The following GPHN variants were observed in gnomAD, a reference collection of about 807,000 sequenced individuals.
GPHN encodes the protein gephyrin.
Under a neutral mutation model 95.5 loss-of-function variants are expected in GPHN, and 17 were observed. The observed-to-expected ratio is 0.18, with a 90% CI of 0.12 to 0.27. The LOEUF (loss-of-function observed/expected upper bound fraction) is 0.27, where lower values mean the gene tolerates loss of function less well. GPHN is among the 10% of genes least tolerant of loss of function. The probability of loss-of-function intolerance (pLI) is 1.00; values close to 1 mark genes in which losing one functional copy is unlikely to be tolerated. For missense variants in GPHN, 660 were observed against 978.1 expected (o/e 0.67, Z 4.34); for synonymous variants, 320 against 322.5 (o/e 0.99, Z 0.08).
intron 1 of GPHN, among the ~76,000 whole-genome samples, chr14:66,668,630 T>G (rs112962298): frequency 5.1e-4 from 77 of 152,228 alleles, no homozygotes; most frequent in African/African-American, 1.6e-3. Context: ...AGGGCCTACT[T>G]GAGGGTAGAA....
the GPHN span, among the ~76,000 whole-genome samples, chr14:67,491,430 G>C: frequency 6.6e-6 from 1 of 152,138 alleles, no homozygotes. Flanking sequence ...TCCATCCTGA[G>C]GCTGTCTAGC....
chr14:67,430,392 A>G, the GPHN span, among the ~76,000 whole-genome samples: 1 of 152,202 alleles, frequency 6.6e-6, no homozygotes, highest in African/African-American at 2.4e-5. Flanking sequence ...TTCCTGTGCA[A>G]GCCTGTGCCG....
At chr14:66,886,078 T>G (rs114937024) in intron 5 of GPHN, among the ~76,000 whole-genome samples, 2,420 of 152,254 alleles carry the variant, frequency 0.016, 34 homozygotes, top group Non-Finnish European at 0.018. Context: ...ACTAAAGGAA[T>G]ATATTGATAA....
At chr14:66,707,648 C>T (rs968427158) in intron 2 of GPHN, among the ~76,000 whole-genome samples, 5 of 152,184 alleles carry the variant, frequency 3.3e-5, no homozygotes, top group African/African-American at 9.7e-5. Flanking sequence ...GAGAACAACA[C>T]ACACCAGGGC....
the GPHN span, chr14:67,364,968 G>T: frequency 1.2e-6 from 2 of 1,613,840 alleles, no homozygotes; most frequent in Non-Finnish European, 1.7e-6. Context: ...GAATTGGCAG[G>T]AATGAGTGTG....
chr14:66,670,328 A>C (rs2066233838), intron 1 of GPHN, among the ~76,000 whole-genome samples: 1 of 152,214 alleles, frequency 6.6e-6, no homozygotes, highest in African/African-American at 2.4e-5. Context: ...CTTGAGTTTT[A>C]ATATGCTTTC....
the GPHN span, among the ~76,000 whole-genome samples, chr14:67,344,167 T>G: frequency 1.6e-4 from 24 of 152,248 alleles, no homozygotes; most frequent in Non-Finnish European, 3.5e-4. Flanking sequence ...ATTTGTAATC[T>G]GTAGCCAATG....
chr14:67,624,063 ACTC>A, the GPHN span, among the ~76,000 whole-genome samples: 61 of 152,144 alleles, frequency 4.0e-4, no homozygotes, highest in Non-Finnish European at 7.9e-4. Flanking sequence ...CTGGTCCCGA[ACTC>A]CTGGGCTTAA....
intron 8 of GPHN, among the ~76,000 whole-genome samples, chr14:66,961,995 G>A (rs2068982159): frequency 7.4e-6 from 1 of 135,524 alleles, no homozygotes; most frequent in South Asian, 2.3e-4. Flanking sequence ...TAACACCCAT[G>A]GGTTCACAGT....
the GPHN span, among the ~76,000 whole-genome samples, chr14:67,612,523 T>C: frequency 3.3e-5 from 5 of 152,216 alleles, no homozygotes; most frequent in African/African-American, 1.2e-4. Context: ...GACGAAGGGT[T>C]CTGAAGCTCC....
At chr14:67,303,179 A>G in the GPHN span, among the ~76,000 whole-genome samples, 5 of 152,250 alleles carry the variant, frequency 3.3e-5, no homozygotes, top group African/African-American at 1.2e-4. Flanking sequence ...TCTATTGGAT[A>G]GTGCTAGTAT....
chr14:67,322,929 G>A, the GPHN span, among the ~76,000 whole-genome samples: 23,542 of 151,946 alleles, frequency 0.15, 3,442 homozygotes, highest in East Asian at 0.42. Context: ...ACTTTTTCTT[G>A]GATGTGCTTT....
chr14:67,475,238 G>A, the GPHN span, among the ~76,000 whole-genome samples: 333 of 152,154 alleles, frequency 2.2e-3, 2 homozygotes, highest in Admixed American at 4.1e-3. Context: ...TTTTAAAGGC[G>A]GAATCATATT....
the GPHN span, among the ~76,000 whole-genome samples, chr14:67,391,169 G>A: frequency 6.6e-6 from 1 of 152,110 alleles, no homozygotes; most frequent in Non-Finnish European, 1.5e-5. Context: ...CAGTCTACAC[G>A]TGTGCCCACA....
chr14:67,621,783 T>C, the GPHN span, among the ~76,000 whole-genome samples: 2 of 151,472 alleles, frequency 1.3e-5, no homozygotes, highest in Non-Finnish European at 2.9e-5. Context: ...ACCCTTCTCT[T>C]AGTAACAGCA....
At chr14:66,852,351 G>A (rs563791588) in intron 4 of GPHN, among the ~76,000 whole-genome samples, 7 of 152,268 alleles carry the variant, frequency 4.6e-5, no homozygotes, top group Admixed American at 1.3e-4. Flanking sequence ...CCACTATTAC[G>A]GTAGCTTTCA....
At chr14:67,242,330 G>A in the GPHN span, among the ~76,000 whole-genome samples, 1 of 152,178 alleles carries the variant, frequency 6.6e-6, no homozygotes, top group East Asian at 1.9e-4. Context: ...TGGAGTGTGT[G>A]TTTTGTCTCC....
At chr14:66,606,707 C>A (rs993409535) in intron 1 of GPHN, among the ~76,000 whole-genome samples, 1 of 151,956 alleles carries the variant, frequency 6.6e-6, no homozygotes, top group African/African-American at 2.4e-5. Context: ...TAGATGTATG[C>A]ATAGGTTTTT....
At chr14:67,361,983 A>G in the GPHN span, among the ~76,000 whole-genome samples, 1 of 143,780 alleles carries the variant, frequency 7.0e-6, no homozygotes, top group Non-Finnish European at 1.5e-5. Flanking sequence ...CCCACTCTAT[A>G]CTTAATTACT....
Sources: allele counts gnomAD v4.1 joint callset (sites outside exome capture counted in the v4.1 genomes callset), GRCh38; gene constraint gnomAD v4.1.1; transcripts MANE v1.5; gene names NCBI Gene and HGNC (gene_info 2026-07-23, HGNC 2026-07-21).